Variants in LDLRAD3 observed in about 807,000 individuals in gnomAD.
The protein encoded by LDLRAD3 is low-density lipoprotein receptor class A domain-containing protein 3.
LDLRAD3 carries 20 observed loss-of-function variants against 29.4 expected under a neutral mutation model. That is an observed-to-expected ratio of 0.68 (90% CI 0.48 to 0.99). The LOEUF (loss-of-function observed/expected upper bound fraction) is 0.99, where lower values mean the gene tolerates loss of function less well. Ranked by LOEUF, LDLRAD3 falls within the 50% of genes least tolerant of loss-of-function variation. LDLRAD3 has a pLI of 0.00. For synonymous variants in LDLRAD3, 157 were observed against 192.7 expected, an observed-to-expected ratio of 0.81 and a Z score of 1.53; for missense variants, 420 against 454.3, an observed-to-expected ratio of 0.92 and a Z score of 0.69.
intron 4 of LDLRAD3, among the ~76,000 whole-genome samples, chr11:36,169,888 G>A (rs1039051064): frequency 2.0e-5 from 3 of 152,048 alleles, no homozygotes; most frequent in South Asian, 2.1e-4. Flanking sequence ...AATTCAATAG[G>A]TTTTTGGGGA....
chr11:35,964,565 C>T (rs1338602306), intron 1 of LDLRAD3, among the ~76,000 whole-genome samples: 9 of 152,104 alleles, frequency 5.9e-5, no homozygotes. Flanking sequence ...TGGAGGCTGT[C>T]GTCTGTCTGA....
chr11:36,161,877 TAA>T (rs1854445026), intron 4 of LDLRAD3, among the ~76,000 whole-genome samples: 1 of 152,234 alleles, frequency 6.6e-6, no homozygotes, highest in Non-Finnish European at 1.5e-5. Context: ...ATTAAATGTT[TAA>T]ATGAATGAGA....
chr11:36,230,210 T>A lies in LDLRAD3; in HGVS notation c.*813T>A, dbSNP rs2133396966. ...CACCTGCCCTGGCTCTACAGCCACT[T>A]ACCTGGTTTCTGGACTGTCACCCTC... On this transcript the variant is annotated 3_prime_UTR_variant, in exon 6 of 6. Coordinates refer to ENST00000315571, the MANE Select transcript of LDLRAD3 (RefSeq NM_174902.4). 6.6e-6 allele frequency: 1 copy of A among 152,342 alleles called. No homozygotes were observed. The highest frequency in any genetic ancestry group is 6.5e-5 in the Admixed American group (1 of 15,302). 9.4% of individuals were successfully genotyped at this position (152,342 alleles called of 1,614,324 possible).
At chr11:35,954,642 G>T (rs1341012462) in intron 1 of LDLRAD3, among the ~76,000 whole-genome samples, 1 of 152,192 alleles carries the variant, frequency 6.6e-6, no homozygotes, top group Non-Finnish European at 1.5e-5. Flanking sequence ...TTGCCTTTTG[G>T]TGAAAATTGC....
At chr11:36,227,859 C>T (rs1855522113) in intron 5 of LDLRAD3, among the ~76,000 whole-genome samples, 1 of 152,168 alleles carries the variant, frequency 6.6e-6, no homozygotes, top group South Asian at 2.1e-4. Context: ...CAGAGCAGTG[C>T]CCAGTACATG....
At chr11:36,140,992 T>TCCTC (rs1854073899) in intron 4 of LDLRAD3, among the ~76,000 whole-genome samples, 1 of 109,996 alleles carries the variant, frequency 9.1e-6, no homozygotes, top group Non-Finnish European at 1.9e-5. Context: ...CTGTTGAGCT[T>TCCTC]TCTCTCTCTC....
At chr11:35,951,886 C>T (rs1851139744) in intron 1 of LDLRAD3, among the ~76,000 whole-genome samples, 1 of 152,190 alleles carries the variant, frequency 6.6e-6, no homozygotes, top group African/African-American at 2.4e-5. Context: ...TCACAGCTTC[C>T]GCCCACCCTG....
At chr11:36,117,586 A>G (rs1476793266) in intron 4 of LDLRAD3, among the ~76,000 whole-genome samples, 1 of 152,220 alleles carries the variant, frequency 6.6e-6, no homozygotes, top group African/African-American at 2.4e-5. Flanking sequence ...AACCTAAAAC[A>G]TCGGAACACC....
intron 1 of LDLRAD3, among the ~76,000 whole-genome samples, chr11:36,008,383 C>T (rs575918826): frequency 3.9e-5 from 6 of 152,164 alleles, no homozygotes; most frequent in African/African-American, 1.2e-4. Context: ...TCATGGAAGA[C>T]GGTAGCATTC....
chr11:36,202,252 G>T (rs1400413204), intron 4 of LDLRAD3, among the ~76,000 whole-genome samples: 1 of 152,022 alleles, frequency 6.6e-6, no homozygotes, highest in African/African-American at 2.4e-5. Context: ...TGGCCATGCT[G>T]GTCTCAAACT....
intron 4 of LDLRAD3, among the ~76,000 whole-genome samples, chr11:36,105,195 T>C (rs1220394216): frequency 6.8e-6 from 1 of 146,286 alleles, no homozygotes; most frequent in Non-Finnish European, 1.5e-5. Flanking sequence ...TCCTGTTCCT[T>C]CTGCAGAATT....
intron 2 of LDLRAD3, among the ~76,000 whole-genome samples, chr11:36,072,878 T>C (rs1852930722): frequency 6.6e-6 from 1 of 152,176 alleles, no homozygotes; most frequent in South Asian, 2.1e-4. Flanking sequence ...GGACCCCAAA[T>C]ATGGGTCCCA....
intron 1 of LDLRAD3, among the ~76,000 whole-genome samples, chr11:35,948,503 CCTT>C (rs1339695227): frequency 1.3e-5 from 2 of 151,194 alleles, no homozygotes; most frequent in African/African-American, 4.9e-5. Context: ...TATGTAACTG[CCTT>C]CTTCTATTGT....
intron 1 of LDLRAD3, among the ~76,000 whole-genome samples, chr11:36,023,935 A>G (rs1852129874): frequency 6.6e-6 from 1 of 152,228 alleles, no homozygotes; most frequent in Non-Finnish European, 1.5e-5. Context: ...TTTCTTAGGA[A>G]TAATTGAGCT....
At chr11:35,988,272 C>T (rs1187220457) in intron 1 of LDLRAD3, among the ~76,000 whole-genome samples, 1 of 152,074 alleles carries the variant, frequency 6.6e-6, no homozygotes, top group African/African-American at 2.4e-5. Context: ...GTTGCCCAGG[C>T]TGGTCTTGAA....
At chr11:36,163,258 C>T (rs1241713893) in intron 4 of LDLRAD3, 1 of 152,232 alleles carries the variant, frequency 6.6e-6, no homozygotes, top group African/African-American at 2.4e-5. Flanking sequence ...AGATGGATTG[C>T]TTGGCTATAA....
chr11:36,080,357 A>T (rs1853094924), intron 2 of LDLRAD3, among the ~76,000 whole-genome samples: 1 of 152,238 alleles, frequency 6.6e-6, no homozygotes, highest in Admixed American at 6.5e-5. Context: ...CCCAAGTTAC[A>T]GCAGTTTCTG....
At chr11:35,989,032 T>A (rs1387726559) in intron 1 of LDLRAD3, 1 of 152,222 alleles carries the variant, frequency 6.6e-6, no homozygotes, top group Admixed American at 6.5e-5. Context: ...AATCTCTATC[T>A]TGAGTTAATT....
chr11:36,091,105 C>G (rs1343878199), intron 3 of LDLRAD3, among the ~76,000 whole-genome samples: 1 of 152,156 alleles, frequency 6.6e-6, no homozygotes, highest in Non-Finnish European at 1.5e-5. Flanking sequence ...CCCTCTCCCT[C>G]AGTTGCCTGG....
Sources: gnomAD v4.1 joint callset for allele counts (sites outside exome capture counted in the v4.1 genomes callset) on GRCh38, gnomAD v4.1.1 for gene constraint, MANE v1.5 for transcripts, NCBI Gene and HGNC (gene_info 2026-07-23, HGNC 2026-07-21) for gene names.